Variants in ANKFN1 observed in about 807,000 individuals in gnomAD.
ANKFN1 encodes ankyrin repeat and fibronectin type III domain containing 1.
In ANKFN1, 74 loss-of-function variants were observed where a neutral mutation model predicts 108.7. That is an observed-to-expected ratio of 0.68 (90% CI 0.56 to 0.83). The LOEUF (loss-of-function observed/expected upper bound fraction) is 0.83, where lower values mean the gene tolerates loss of function less well. Among genes scored for constraint, ANKFN1 ranks in the 40% least tolerant of loss-of-function variants. The probability of loss-of-function intolerance (pLI) is 0.00; values close to 1 mark genes in which losing one functional copy is unlikely to be tolerated. For missense variants in ANKFN1, 1,505 were observed against 1,382.3 expected (o/e 1.09, Z -1.41); for synonymous variants, 547 against 516.2 (o/e 1.06, Z -0.81).
intron 4 of ANKFN1, among the ~76,000 whole-genome samples, chr17:56,332,248 C>T (rs1013786864): frequency 1.3e-5 from 2 of 152,062 alleles, no homozygotes; most frequent in African/African-American, 4.8e-5. Context: ...TGGCGGCAAT[C>T]GAGGCTCTCT....
chr17:56,218,548 G>C (rs1211030243), intron 2 of ANKFN1, among the ~76,000 whole-genome samples: 2 of 151,980 alleles, frequency 1.3e-5, no homozygotes, highest in Non-Finnish European at 2.9e-5. Context: ...CTGTCTCGGG[G>C]ACTTCACACA....
intron 3 of ANKFN1, among the ~76,000 whole-genome samples, chr17:56,264,239 C>T (rs1240592185): frequency 3.9e-5 from 6 of 152,196 alleles, no homozygotes; most frequent in African/African-American, 1.4e-4. Context: ...AGAGGCTGAG[C>T]TATGTAACTT....
intron 4 of ANKFN1, among the ~76,000 whole-genome samples, chr17:56,328,270 G>T (rs1316508072): frequency 6.6e-6 from 1 of 152,048 alleles, no homozygotes; most frequent in Non-Finnish European, 1.5e-5. Context: ...CTGTTCCCAT[G>T]CATATGGAAT....
chr17:56,335,127 T>C (rs1476371043), intron 4 of ANKFN1, among the ~76,000 whole-genome samples: 1 of 152,204 alleles, frequency 6.6e-6, no homozygotes, highest in African/African-American at 2.4e-5. Context: ...TGTAGCCTTG[T>C]AGTATAGTTT....
At position 56,514,957 on chromosome 17, in the gene ANKFN1, G is replaced by C. The variant is rs1047423515; in HGVS notation, c.*3688G>C. 6.6e-6 allele frequency among the ~76,000 whole-genome samples: 1 copy of C among 152,074 alleles called. No homozygotes were observed. Among genetic ancestry groups the C allele is most frequent in the African/African-American group, 2.4e-5 (1 of 41,436 alleles). On this transcript the variant is annotated 3_prime_UTR_variant, in exon 21 of 21. Coordinates refer to ENST00000682825, the MANE Select transcript of ANKFN1 (RefSeq NM_001370326.1). ...CTGGTGAGTTTGGAGCTCTTCCCTT[G>C]AAGATAACTCTGTTAGACGAGGAGG... is the stretch of plus-strand genomic sequence containing the variant.
At chr17:56,179,983 T>G (rs922064014) in intron 1 of ANKFN1, among the ~76,000 whole-genome samples, 1 of 152,194 alleles carries the variant, frequency 6.6e-6, no homozygotes, top group Non-Finnish European at 1.5e-5. Context: ...AGGTGTTCGA[T>G]AAATACTTTT....
At chr17:56,148,381 G>A (rs1046641373) in intron 4 of ANKFN1, among the ~76,000 whole-genome samples, 5 of 152,226 alleles carry the variant, frequency 3.3e-5, no homozygotes, top group Non-Finnish European at 7.3e-5. Flanking sequence ...TGGAGAGATT[G>A]AATACCCTGC....
intron 4 of ANKFN1, among the ~76,000 whole-genome samples, chr17:56,326,798 A>T (rs190102894): frequency 1.3e-5 from 2 of 152,298 alleles, no homozygotes; most frequent in African/African-American, 4.8e-5. Flanking sequence ...AAACCCAGAT[A>T]TATTACTGTC....
intron 8 of ANKFN1, among the ~76,000 whole-genome samples, chr17:56,431,192 G>A (rs1322369589): frequency 6.6e-6 from 1 of 152,132 alleles, no homozygotes; most frequent in African/African-American, 2.4e-5. Flanking sequence ...AAATGATAGG[G>A]GAGTTTTGGG....
intron 4 of ANKFN1, among the ~76,000 whole-genome samples, chr17:56,331,659 A>G (rs1378728318): frequency 6.6e-6 from 1 of 152,146 alleles, no homozygotes; most frequent in African/African-American, 2.4e-5. Flanking sequence ...CTGCTGCTCC[A>G]TTTACTGGCT....
Position 56,513,321 on chromosome 17 carries a change from G to A in ANKFN1, c.*2052G>A, listed in dbSNP as rs535228185. Among the ~76,000 whole-genome samples, 12 of 152,242 alleles carry A rather than the reference G, an allele frequency of 7.9e-5. No individual in the cohort carries two copies. In the South Asian group the frequency reaches 1.0e-3, roughly 13 times the overall value. On this transcript the variant is annotated 3_prime_UTR_variant, in exon 21 of 21. Transcript: ENST00000682825. ...TATTACAGAGCTGCTTGTTGCCAAG[G>A]AATACAGACTTCATGTAATACACAT... is the stretch of plus-strand genomic sequence containing the variant.
At chr17:56,279,680 C>G (rs555111636) in intron 3 of ANKFN1, among the ~76,000 whole-genome samples, 2 of 152,282 alleles carry the variant, frequency 1.3e-5, no homozygotes, top group African/African-American at 4.8e-5. Flanking sequence ...ATGACATTGT[C>G]TGCTGGCAGA....
At position 56,513,027 on chromosome 17, in the gene ANKFN1, G is replaced by A. The variant is rs986228690; in HGVS notation, c.*1758G>A. 2.6e-5 allele frequency among the ~76,000 whole-genome samples: 4 copies of A among 152,234 alleles called. No individual in the cohort carries two copies. The highest frequency in any genetic ancestry group is 9.6e-5 in the African/African-American group (4 of 41,538). On this transcript the variant is annotated 3_prime_UTR_variant, in exon 21 of 21. Coordinates refer to ENST00000682825, the MANE Select transcript of ANKFN1 (RefSeq NM_001370326.1). Reference sequence around the variant, plus strand: ...TGCATGGAGAGTGTTAGAACTAGACGGGCCCATAAAATTTATCTAAGTCCG... The same window carrying A: ...TGCATGGAGAGTGTTAGAACTAGACAGGCCCATAAAATTTATCTAAGTCCG...
intron 6 of ANKFN1, among the ~76,000 whole-genome samples, chr17:56,370,115 A>G (rs1319812387): frequency 6.6e-6 from 1 of 152,164 alleles, no homozygotes; most frequent in Non-Finnish European, 1.5e-5. Flanking sequence ...CGTCACCACT[A>G]TATTACATTA....
In ANKFN1 at chr17:56,071,723, C is replaced by A. The variant is rs1043385733; in HGVS notation, c.288+25398C>A. 6.6e-5 allele frequency among the ~76,000 whole-genome samples: 10 copies of A among 152,332 alleles called. 1 individual carries two copies. Among genetic ancestry groups the A allele is most frequent in the Admixed American group, 6.5e-4 (10 of 15,306 alleles). On this transcript the variant is annotated intron_variant, in intron 4 of 12. Transcript: ENST00000635860. ...TTCACACCTGTTCAATAGGTTTGAGCCATCCTAGTCTAATCTAGTCTTCAC... is the reference window on the plus strand; with the variant it reads ...TTCACACCTGTTCAATAGGTTTGAGACATCCTAGTCTAATCTAGTCTTCAC...
intron 15 of ANKFN1, among the ~76,000 whole-genome samples, chr17:56,467,798 G>GAAAGAAA (rs1568026394): frequency 3.2e-5 from 1 of 30,862 alleles, no homozygotes; most frequent in African/African-American, 7.6e-5. Context: ...AAAGAAGAAA[G>GAAAGAAA]AAAGAAAGAA....
At chr17:56,067,555 C>G (rs1905075578) in intron 4 of ANKFN1, among the ~76,000 whole-genome samples, 1 of 152,166 alleles carries the variant, frequency 6.6e-6, no homozygotes, top group Non-Finnish European at 1.5e-5. Context: ...TGATCAACCA[C>G]TAAGATTATA....
chr17:56,490,674 G>A (rs74467472), intron 18 of ANKFN1, among the ~76,000 whole-genome samples: 318 of 152,230 alleles, frequency 2.1e-3, no homozygotes, highest in African/African-American at 7.3e-3. Context: ...TTTACTGAGA[G>A]GGCATATGAA....
chr17:56,382,327 A>T (rs1013320723), intron 8 of ANKFN1, among the ~76,000 whole-genome samples: 2 of 152,228 alleles, frequency 1.3e-5, no homozygotes, highest in African/African-American at 4.8e-5. Context: ...CTCCTGAAGG[A>T]AGCACTAAAC....
Sources: allele counts gnomAD v4.1 joint callset (sites outside exome capture counted in the v4.1 genomes callset), GRCh38; gene constraint gnomAD v4.1.1; transcripts MANE v1.5; gene names NCBI Gene and HGNC (gene_info 2026-07-23, HGNC 2026-07-21).